The following ADK variants were observed in gnomAD, a reference collection of about 807,000 sequenced individuals.
ADK encodes the protein adenosine kinase, also known as N6,N6-dimethyladenosine kinase.
A neutral mutation model predicts 44.7 loss-of-function variants in ADK; 24 were observed. That is an observed-to-expected ratio of 0.54 (90% CI 0.39 to 0.76). The LOEUF is 0.76. Ranked by LOEUF, ADK falls within the 30% of genes least tolerant of loss-of-function variation. The probability of loss-of-function intolerance (pLI) is 0.00; values close to 1 mark genes in which losing one functional copy is unlikely to be tolerated. For synonymous variants in ADK, 128 were observed against 142.6 expected, an observed-to-expected ratio of 0.90 and a Z score of 0.73; for missense variants, 321 against 425.1, an observed-to-expected ratio of 0.76 and a Z score of 2.15.
chr10:74,490,837 T>C (rs955935592), intron 6 of ADK, among the ~76,000 whole-genome samples: 2 of 152,212 alleles, frequency 1.3e-5, no homozygotes, highest in Middle Eastern at 3.4e-3. Context: ...TGATTTTTTT[T>C]CCCCATAGTA....
intron 1 of ADK, among the ~76,000 whole-genome samples, chr10:74,156,391 G>T (rs1160539522): frequency 1.3e-5 from 2 of 152,142 alleles, no homozygotes; most frequent in African/African-American, 4.8e-5. Context: ...GGCCAAGGTG[G>T]GAGGATTGCT....
intron 4 of ADK, among the ~76,000 whole-genome samples, chr10:74,321,700 T>G (rs1840814700): frequency 1.3e-5 from 2 of 152,212 alleles, no homozygotes; most frequent in African/African-American, 4.8e-5. Context: ...TTTAACCATG[T>G]TGTTTCATTT....
At chr10:74,197,001 G>C (rs184818564) in intron 1 of ADK, among the ~76,000 whole-genome samples, 1 of 152,222 alleles carries the variant, frequency 6.6e-6, no homozygotes, top group Admixed American at 6.5e-5. Flanking sequence ...GGTTTTTAAG[G>C]CTTCTAGCAC....
intron 10 of ADK, among the ~76,000 whole-genome samples, chr10:74,693,699 A>G (rs1422697323): frequency 1.4e-4 from 21 of 152,202 alleles, no homozygotes; most frequent in Admixed American, 1.4e-3. Flanking sequence ...GGTTGTGCTA[A>G]GGTTCCCTCA....
At chr10:74,637,965 A>G (rs190146445) in intron 9 of ADK, among the ~76,000 whole-genome samples, 1 of 152,354 alleles carries the variant, frequency 6.6e-6, no homozygotes, top group Admixed American at 6.5e-5. Context: ...TATGTCAATC[A>G]TGCTTCGATA....
At chr10:74,632,805 A>G (rs1853488678) in intron 9 of ADK, among the ~76,000 whole-genome samples, 2 of 152,174 alleles carry the variant, frequency 1.3e-5, no homozygotes, top group Admixed American at 6.5e-5. Flanking sequence ...TTATTTACCT[A>G]TTCTTCAGTT....
At chr10:74,190,432 G>A (rs952262630) in intron 1 of ADK, among the ~76,000 whole-genome samples, 1 of 152,170 alleles carries the variant, frequency 6.6e-6, no homozygotes, top group African/African-American at 2.4e-5. Flanking sequence ...TGGGCACACT[G>A]TTTTCATCTT....
intron 2 of ADK, among the ~76,000 whole-genome samples, chr10:74,217,150 C>T (rs150712128): frequency 0.013 from 1,983 of 152,320 alleles, 50 homozygotes; most frequent in Non-Finnish European, 0.014. Flanking sequence ...CCTGGAAAAT[C>T]GGGTCATTCC....
chr10:74,557,670 G>A (rs930399338), intron 7 of ADK, among the ~76,000 whole-genome samples: 1 of 152,154 alleles, frequency 6.6e-6, no homozygotes, highest in African/African-American at 2.4e-5. Flanking sequence ...CAAGGAAGAT[G>A]GGCAGCTCAT....
chr10:74,356,010 T>TGG (rs1564672627), intron 4 of ADK, among the ~76,000 whole-genome samples: 2 of 128,770 alleles, frequency 1.6e-5, no homozygotes, highest in Admixed American at 7.8e-5. Flanking sequence ...TCATTTTTTT[T>TGG]TTTTTTTTTT....
intron 9 of ADK, among the ~76,000 whole-genome samples, chr10:74,663,659 G>A (rs1589348180): frequency 6.6e-6 from 1 of 152,018 alleles, no homozygotes; most frequent in East Asian, 1.9e-4. Flanking sequence ...ATTAAAGCAG[G>A]GATGTCATGG....
At chr10:74,698,796 T>A (rs1856300434) in intron 10 of ADK, among the ~76,000 whole-genome samples, 1 of 152,134 alleles carries the variant, frequency 6.6e-6, no homozygotes, top group Admixed American at 6.5e-5. Context: ...TGGGCTCAAA[T>A]GATCTGGGTG....
intron 4 of ADK, among the ~76,000 whole-genome samples, chr10:74,339,805 C>T (rs1431586762): frequency 1.3e-5 from 2 of 152,190 alleles, no homozygotes; most frequent in African/African-American, 4.8e-5. Flanking sequence ...AGAAGAATCA[C>T]TCCCTAGGTA....
rs1554838781 is a variant in ADK at position 74,290,078 on chromosome 10, G to GTGCACA, written c.195-24589_195-24588insTGCACA. On this transcript the variant is annotated intron_variant, in intron 3 of 10. Coordinates refer to ENST00000539909, the MANE Select transcript of ADK (RefSeq NM_006721.4). ...ACTCAAGTCACTAAACTACTCACGC[G>GTGCACA]CACACACACACACACACACACACTC... is the stretch of plus-strand genomic sequence containing the variant. Among the ~76,000 whole-genome samples, 7 of 149,122 alleles carry GTGCACA rather than the reference G, an allele frequency of 4.7e-5. 1 individual carries two copies. Among genetic ancestry groups the GTGCACA allele is most frequent in the South Asian group, 4.3e-4 (2 of 4,680 alleles).
chr10:74,295,324 T>C (rs1839773422), intron 3 of ADK, among the ~76,000 whole-genome samples: 1 of 147,730 alleles, frequency 6.8e-6, no homozygotes, highest in South Asian at 2.1e-4. Flanking sequence ...TAGCCGGGCA[T>C]GGTGGCACGT....
intron 7 of ADK, among the ~76,000 whole-genome samples, chr10:74,548,185 T>C (rs1475541923): frequency 6.6e-6 from 1 of 152,228 alleles, no homozygotes; most frequent in Non-Finnish European, 1.5e-5. Context: ...ATTAGTCTTC[T>C]AGTGTTGGAA....
At chr10:74,167,483 G>A (rs1564569232) in intron 1 of ADK, among the ~76,000 whole-genome samples, 1 of 152,178 alleles carries the variant, frequency 6.6e-6, no homozygotes. Context: ...CAACAGGTCT[G>A]GTCTGGAGGG....
At chr10:74,181,604 T>TA (rs1024515684) in intron 1 of ADK, among the ~76,000 whole-genome samples, 9 of 152,230 alleles carry the variant, frequency 5.9e-5, no homozygotes, top group African/African-American at 2.2e-4. Flanking sequence ...AAGAGGATCT[T>TA]AGCATTTTAC....
chr10:74,631,359 C>T (rs1853415156), intron 9 of ADK, among the ~76,000 whole-genome samples: 1 of 150,908 alleles, frequency 6.6e-6, no homozygotes, highest in South Asian at 2.1e-4. Flanking sequence ...ACTGCAACCT[C>T]TGCCTGCTGG....
Sources: gnomAD v4.1 joint callset for allele counts (sites outside exome capture counted in the v4.1 genomes callset) on GRCh38, gnomAD v4.1.1 for gene constraint, MANE v1.5 for transcripts, NCBI Gene and HGNC (gene_info 2026-07-23, HGNC 2026-07-21) for gene names.